The following MYO5C variants were observed in gnomAD, a reference collection of about 807,000 sequenced individuals.
The protein encoded by MYO5C is unconventional myosin-Vc.
Under a neutral mutation model 235.7 loss-of-function variants are expected in MYO5C, and 194 were observed. The ratio of observed to expected loss-of-function variants is 0.82; its 90% CI spans 0.73 to 0.93. MYO5C has a LOEUF of 0.93. Among genes scored for constraint, MYO5C ranks in the 40% least tolerant of loss-of-function variants. MYO5C has a pLI of 0.00. For synonymous variants in MYO5C, 707 were observed against 754.8 expected (o/e 0.94, Z 1.04); for missense variants, 2,038 against 2,127.2 (o/e 0.96, Z 0.82).
At chr15:52,292,300 A>G (rs1391981882) in intron 1 of MYO5C, among the ~76,000 whole-genome samples, 1 of 152,230 alleles carries the variant, frequency 6.6e-6, no homozygotes, top group Non-Finnish European at 1.5e-5. Flanking sequence ...ACTTCTCACA[A>G]GCCCACTGTG....
rs148548619 is a variant in MYO5C at position 52,273,907 on chromosome 15, T to C, written c.607-1184A>G. ...CTCAACTAGAAGTTCACATCTTTCA[T>C]CCAACCTTTATTCCAATCCCTACTC... is the stretch of plus-strand genomic sequence containing the variant. On this transcript the variant is annotated intron_variant, in intron 5 of 40. Coordinates refer to ENST00000261839, the MANE Select transcript of MYO5C (RefSeq NM_018728.4). Among the ~76,000 whole-genome samples, 4 of 152,266 alleles carry C rather than the reference T, an allele frequency of 2.6e-5. No individual in the cohort carries two copies. In the South Asian group the frequency reaches 8.3e-4, roughly 32 times the overall value.
intron 39 of MYO5C, 62 bp from the exon 40 acceptor site, chr15:52,195,519 A>G: frequency 8.3e-7 from 1 of 1,207,904 alleles, no homozygotes; most frequent in Non-Finnish European, 1.2e-6. Context: ...TCATAAAATA[A>G]TGGTTCTGGT....
rs769825295 is a variant in MYO5C at position 52,251,502 on chromosome 15, G to A, written c.1550C>T (p.Thr517Ile). The A allele has an allele frequency of 2.5e-6, 4 of 1,597,386 alleles. No homozygotes were observed. The South Asian group carries it at 3.4e-5, about 14-fold the overall frequency. ...CAGCTTTTGAAGCCAGTTTTCATCAGTTCCATGTGGTAACTGGAAAAGAAA... is the reference window on the plus strand; with the variant it reads ...CAGCTTTTGAAGCCAGTTTTCATCAATTCCATGTGGTAACTGGAAAAGAAA... ...LDEECLLPHG[T>I]DENWLQKLYN... The change falls in exon 13 of 41, where the codon ACT becomes ATT. Residue 517 changes from threonine (T) to isoleucine (I), a missense_variant. Thr to Ile is a moderately conservative substitution (Grantham distance 89). Coordinates refer to ENST00000261839, the MANE Select transcript of MYO5C (RefSeq NM_018728.4).
chr15:52,244,338 TCC>T lies in MYO5C; in HGVS notation c.2390+16_2390+17del. 6.2e-7 allele frequency: 1 copy of T among 1,608,282 alleles called. No homozygotes were observed. The highest frequency in any genetic ancestry group is 8.5e-7 in the Non-Finnish European group (1 of 1,176,562). On this transcript the variant is annotated intron_variant, in intron 19 of 40. Transcript: ENST00000261839. Reference sequence around the variant, plus strand: ...GAAAGCCCCACAGTTCCACATGTGTTCCTTGATTCCAACATACCTCACAGTTT... The same window carrying T: ...GAAAGCCCCACAGTTCCACATGTGTTTTGATTCCAACATACCTCACAGTTT...
intron 25 of MYO5C, among the ~76,000 whole-genome samples, chr15:52,227,932 A>G (rs987103408): frequency 1.3e-5 from 2 of 152,214 alleles, no homozygotes; most frequent in African/African-American, 4.8e-5. Flanking sequence ...TATTTAGTAG[A>G]AGCTTAAAAG....
At chr15:52,233,534 T>C (rs2036014077) in intron 23 of MYO5C, among the ~76,000 whole-genome samples, 1 of 152,184 alleles carries the variant, frequency 6.6e-6, no homozygotes, top group Non-Finnish European at 1.5e-5. Context: ...TTCCAGACAT[T>C]GGCAAATGTC....
intron 10 of MYO5C, among the ~76,000 whole-genome samples, chr15:52,259,027 T>G (rs2036637255): frequency 6.6e-6 from 1 of 152,174 alleles, no homozygotes; most frequent in Non-Finnish European, 1.5e-5. Context: ...CCTGCTGCCC[T>G]CACCAGTCTC....
intron 8 of MYO5C, among the ~76,000 whole-genome samples, chr15:52,266,321 A>C (rs1389626531): frequency 6.6e-6 from 1 of 152,232 alleles, no homozygotes; most frequent in Non-Finnish European, 1.5e-5. Context: ...GCCTGATTCC[A>C]AGGTGTTCGT....
chr15:52,196,406 G>A lies in MYO5C; in HGVS notation c.4898C>T (p.Pro1633Leu). The A allele has an allele frequency of 6.2e-7, 1 of 1,614,124 alleles. No homozygotes were observed. The highest frequency in any genetic ancestry group is 8.5e-7 in the Non-Finnish European group (1 of 1,180,018). Residue 1633 changes from proline (P) to leucine (L), a missense_variant, in exon 39 of 41, where the codon CCC becomes CTC. Physicochemically the swap from Pro to Leu is moderately conservative, Grantham distance 98. Coordinates refer to ENST00000261839, the MANE Select transcript of MYO5C (RefSeq NM_018728.4). ...AAGCAACCAGGCTGCCTGAGAGAGG[G>A]GCTCCAAAGTTTCCTTTGCTAAGCT... ...QNSLAKETLEPLSQAAWLLQV... is the reference protein window; with the variant it reads ...QNSLAKETLELLSQAAWLLQV...
At chr15:52,220,064 G>A (rs969859552) in intron 30 of MYO5C, among the ~76,000 whole-genome samples, 4 of 152,214 alleles carry the variant, frequency 2.6e-5, no homozygotes, top group Admixed American at 1.3e-4. Context: ...GAAAGTTTAC[G>A]AATTTGTATT....
At position 52,214,652 on chromosome 15, in the gene MYO5C, A is replaced by C; in HGVS notation, c.3993T>G (p.Ile1331Met). The C allele has an allele frequency of 6.2e-7, 1 of 1,609,496 alleles. No homozygotes were observed. The highest frequency in any genetic ancestry group is 8.5e-7 in the Non-Finnish European group (1 of 1,177,686). ...EEELDMKDRV[I>M]KKLQDQVKTL... ...TCTTGACTTGATCTTGTAGCTTTTT[A>C]ATCACTCTGTCTTTCATGTCTAATT... The change falls in exon 33 of 41, where the codon ATT becomes ATG. Residue 1331 changes from isoleucine to methionine, a missense_variant. Transcript: ENST00000261839.
At chr15:52,201,658 T>C (rs2035189905) in intron 38 of MYO5C, among the ~76,000 whole-genome samples, 1 of 152,196 alleles carries the variant, frequency 6.6e-6, no homozygotes, top group African/African-American at 2.4e-5. Flanking sequence ...ATTCTTCTCT[T>C]ATTGAGTTCT....
intron 8 of MYO5C, chr15:52,265,159 A>T (rs2036777085): frequency 6.6e-6 from 1 of 152,220 alleles, no homozygotes; most frequent in South Asian, 2.1e-4. Flanking sequence ...GATTGCAGTA[A>T]GTAGAATATA....
intron 23 of MYO5C, among the ~76,000 whole-genome samples, chr15:52,235,097 C>T (rs1231724280): frequency 6.8e-6 from 1 of 146,830 alleles, no homozygotes; most frequent in East Asian, 2.1e-4. Context: ...AGCTGTTCCA[C>T]AGCCCTAAAG....
At chr15:52,283,067 T>C (rs1016670298) in intron 1 of MYO5C, among the ~76,000 whole-genome samples, 175 bp from the exon 2 acceptor site, 1 of 152,188 alleles carries the variant, frequency 6.6e-6, no homozygotes, top group Non-Finnish European at 1.5e-5. Context: ...GCACCAGGCC[T>C]GGCTGCCTCA....
intron 37 of MYO5C, chr15:52,205,549 C>A: frequency 3.0e-6 from 1 of 337,872 alleles, no homozygotes; most frequent in Non-Finnish European, 5.3e-6. Flanking sequence ...GTAGAAGTAC[C>A]ACATAAATAG....
At chr15:52,247,317 T>G in intron 15 of MYO5C, 141 bp downstream of exon 15, 1 of 1,004,134 alleles carries the variant, frequency 1.0e-6, no homozygotes, top group East Asian at 2.4e-5. Flanking sequence ...ATGAACTTTT[T>G]GCAGTGGAGT....
chr15:52,274,647 T>A (rs1243889731), intron 5 of MYO5C, among the ~76,000 whole-genome samples: 3 of 151,400 alleles, frequency 2.0e-5, no homozygotes, highest in African/African-American at 7.3e-5. Context: ...CTCTGAATTA[T>A]GAGCTTTGCA....
At chr15:52,254,390 A>G (rs2036538389) in intron 11 of MYO5C, among the ~76,000 whole-genome samples, 1 of 152,178 alleles carries the variant, frequency 6.6e-6, no homozygotes, top group African/African-American at 2.4e-5. Flanking sequence ...GGCTCAGGAC[A>G]TGGGGTCCAT....
Sources: gnomAD v4.1 joint callset for allele counts (sites outside exome capture counted in the v4.1 genomes callset) on GRCh38, gnomAD v4.1.1 for gene constraint, MANE v1.5 for transcripts, NCBI Gene and HGNC (gene_info 2026-07-23, HGNC 2026-07-21) for gene names.